AKR1D1: variants seen among roughly 807,000 people sequenced by gnomAD.
The protein encoded by AKR1D1 is delta(4)-3-ketosteroid 5-beta-reductase.
Under a neutral mutation model 42.6 loss-of-function variants are expected in AKR1D1, and 32 were observed. The observed-to-expected ratio is 0.75, with a 90% CI of 0.57 to 1.01. The LOEUF is 1.01. Ranked by LOEUF, AKR1D1 falls within the 50% of genes least tolerant of loss-of-function variation. AKR1D1 has a pLI of 0.00. For missense variants in AKR1D1, 364 were observed against 402.2 expected (o/e 0.91, Z 0.81); for synonymous variants, 123 against 135.5 (o/e 0.91, Z 0.64).
chr7:138,080,966 C>A (rs1057399266), intron 1 of AKR1D1, among the ~76,000 whole-genome samples: 1 of 151,996 alleles, frequency 6.6e-6, no homozygotes, highest in African/African-American at 2.4e-5. Context: ...CCACAGTCTG[C>A]CTTGTCTACA....
At chr7:138,083,474 A>G (rs1211862002) in intron 1 of AKR1D1, among the ~76,000 whole-genome samples, 1 of 152,068 alleles carries the variant, frequency 6.6e-6, no homozygotes, top group African/African-American at 2.4e-5. Flanking sequence ...TTTTAATTAT[A>G]TCTTGGATAT....
chr7:138,090,498 G>A (rs563365248), intron 2 of AKR1D1, among the ~76,000 whole-genome samples: 7 of 151,858 alleles, frequency 4.6e-5, no homozygotes, highest in South Asian at 2.1e-4. Flanking sequence ...TTAGCCAGGC[G>A]TGGTAGCAGG....
At position 138,106,665 on chromosome 7, in the gene AKR1D1, G is replaced by C; in HGVS notation, c.637G>C (p.Asp213His). 1 of 1,614,108 alleles carries C rather than the reference G, an allele frequency of 6.2e-7. No individual in the cohort carries two copies. The highest frequency in any genetic ancestry group is 8.5e-7 in the Non-Finnish European group (1 of 1,180,008). The part of the protein sequence containing the change: ...PKLLKFCQQH[D>H]IVITAYSPLG... Reference sequence around the variant, plus strand: ...ACTCTTGAAATTTTGCCAACAACATGACATTGTCATTACTGCATATAGCCC... The same window carrying C: ...ACTCTTGAAATTTTGCCAACAACATCACATTGTCATTACTGCATATAGCCC... The change falls in exon 6 of 9, where the codon GAC becomes CAC. Residue 213 changes from aspartate to histidine, a missense_variant. Asp to His is a moderately conservative substitution (Grantham distance 81, BLOSUM62 -1). Coordinates refer to ENST00000242375, the MANE Select transcript of AKR1D1 (RefSeq NM_005989.4).
intron 4 of AKR1D1, among the ~76,000 whole-genome samples, chr7:138,098,618 GAAC>G (rs1794230208): frequency 6.6e-6 from 1 of 152,030 alleles, no homozygotes; most frequent in Non-Finnish European, 1.5e-5. Flanking sequence ...TCAAAAACAG[GAAC>G]AACAACAAAA....
rs182331420 is a variant in AKR1D1 at position 138,110,594 on chromosome 7, A to G, written c.855+3014A>G. ...ATGGCAAAACCCCATCTCTACTAAA[A>G]ATACAAAAATTAGCCGGGCATGGTC... is the stretch of plus-strand genomic sequence containing the variant. On this transcript the variant is annotated intron_variant, in intron 7 of 8. Transcript: ENST00000242375. Among the ~76,000 whole-genome samples, 32 of 152,172 alleles carry G rather than the reference A, an allele frequency of 2.1e-4. No homozygotes were observed. In the East Asian group the frequency reaches 5.2e-3, roughly 25 times the overall value.
At position 138,088,678 on chromosome 7, in the gene AKR1D1, C is replaced by T. The variant is rs1236689971; in HGVS notation, c.171C>T (p.Ile57=). The change falls in exon 2 of 9, where the codon ATC becomes ATT. Residue 57 remains isoleucine (I), a synonymous_variant. Transcript: ENST00000242375. ...TGYRHIDGAY[I]YQNEHEVGEA... Reference sequence around the variant, plus strand: ...ACCGACATATTGATGGGGCCTACATCTACCAAAATGAACACGAAGTTGGGG... The same window carrying T: ...ACCGACATATTGATGGGGCCTACATTTACCAAAATGAACACGAAGTTGGGG... 1 of 1,614,030 alleles carries T rather than the reference C, an allele frequency of 6.2e-7. No homozygotes were observed. Among genetic ancestry groups the T allele is most frequent in the Non-Finnish European group, 8.5e-7 (1 of 1,179,996 alleles).
At chr7:138,104,966 C>T (rs1009561361) in intron 4 of AKR1D1, among the ~76,000 whole-genome samples, 3 of 151,964 alleles carry the variant, frequency 2.0e-5, no homozygotes, top group Non-Finnish European at 4.4e-5. Context: ...ACTCTGTTGC[C>T]CAGGCTGGTC....
intron 1 of AKR1D1, among the ~76,000 whole-genome samples, chr7:138,083,747 G>C (rs1252621823): frequency 6.6e-6 from 1 of 152,012 alleles, no homozygotes; most frequent in Non-Finnish European, 1.5e-5. Flanking sequence ...AATCCATTTT[G>C]AGTTGACTTT....
At chr7:138,085,093 T>C (rs1803145228) in intron 1 of AKR1D1, among the ~76,000 whole-genome samples, 1 of 149,304 alleles carries the variant, frequency 6.7e-6, no homozygotes, top group South Asian at 2.1e-4. Context: ...CAAAGTGTGG[T>C]CCTCATGTCC....
chr7:138,083,218 T>G (rs1222186986), intron 1 of AKR1D1, among the ~76,000 whole-genome samples: 3 of 152,182 alleles, frequency 2.0e-5, no homozygotes, highest in African/African-American at 7.2e-5. Flanking sequence ...TACCTTTCAG[T>G]TTTTTGATAA....
rs1197021438 is a variant in AKR1D1 at position 138,107,497 on chromosome 7, A to G, written c.772A>G (p.Ile258Val). ...AAGGTACAATAAGACAGCAGCTCAAATTGTTTTGCGTTTCAACATCCAGCG... is the reference window on the plus strand; with the variant it reads ...AAGGTACAATAAGACAGCAGCTCAAGTTGTTTTGCGTTTCAACATCCAGCG... ...GKRYNKTAAQ[I>V]VLRFNIQRGV... The change falls in exon 7 of 9, where the codon ATT (isoleucine) becomes GTT (valine). Residue 258 changes from isoleucine to valine, a missense_variant. Coordinates refer to ENST00000242375, the MANE Select transcript of AKR1D1 (RefSeq NM_005989.4). The G allele has an allele frequency of 6.2e-6, 10 of 1,614,060 alleles. No individual in the cohort carries two copies. The highest frequency in any genetic ancestry group is 5.1e-6 in the Non-Finnish European group (6 of 1,180,018).
intron 6 of AKR1D1, 44 bp downstream of exon 6, chr7:138,106,761 A>T: frequency 6.9e-7 from 1 of 1,446,988 alleles, no homozygotes; most frequent in East Asian, 2.3e-5. Context: ...GTAGAGTGTG[A>T]GGCTCATGTG....
intron 2 of AKR1D1, among the ~76,000 whole-genome samples, chr7:138,089,337 C>A (rs771866919): frequency 2.0e-5 from 3 of 148,022 alleles, no homozygotes; most frequent in African/African-American, 5.0e-5. Context: ...AGTGACACAG[C>A]GAGACCCTCT....
intron 3 of AKR1D1, among the ~76,000 whole-genome samples, chr7:138,094,970 C>T (rs1005736941): frequency 1.3e-5 from 2 of 152,040 alleles, no homozygotes; most frequent in Non-Finnish European, 2.9e-5. Context: ...GATAAATGAA[C>T]AAGAATGAGA....
intron 3 of AKR1D1, 53 bp downstream of exon 3, chr7:138,091,937 A>G: frequency 9.1e-7 from 1 of 1,098,122 alleles, no homozygotes; most frequent in Non-Finnish European, 1.4e-6. Flanking sequence ...ACCATGAGCC[A>G]ATAGCTATGT....
rs1321124463 is a variant in AKR1D1 at position 138,106,609 on chromosome 7, T to G, written c.581T>G (p.Val194Gly). ...GLKHKPVSNQ[V>G]ECHPYFTQPK... ...CTGCTCTCCAATGCAACCACATAGGTTGAGTGCCATCCGTATTTCACCCAG... is the reference window on the plus strand; with the variant it reads ...CTGCTCTCCAATGCAACCACATAGGGTGAGTGCCATCCGTATTTCACCCAG... Residue 194 changes from valine to glycine, a missense_variant and splice_region_variant, in exon 6 of 9, where the codon GTT (valine) becomes GGT (glycine). Transcript: ENST00000242375. 6.2e-7 allele frequency: 1 copy of G among 1,613,656 alleles called. No homozygotes were observed. The highest frequency in any genetic ancestry group is 1.1e-5 in the South Asian group (1 of 91,074).
rs1480006249 is a variant in AKR1D1, at chr7:138,107,422, G to A, written c.697G>A (p.Val233Ile). Residue 233 changes from valine to isoleucine, a missense_variant, in exon 7 of 9, where the codon GTT (valine) becomes ATT (isoleucine). Physicochemically the swap from Val to Ile is conservative, Grantham distance 29. Coordinates refer to ENST00000242375, the MANE Select transcript of AKR1D1 (RefSeq NM_005989.4). ...GTSRNPIWVN[V>I]SSPPLLKDAL... ...TGTTTTGATATTTTTAAGGGTGAATGTTTCTTCTCCACCTTTGTTAAAGGA... is the reference window on the plus strand; with the variant it reads ...TGTTTTGATATTTTTAAGGGTGAATATTTCTTCTCCACCTTTGTTAAAGGA... 20 of 1,613,854 alleles carry A rather than the reference G, an allele frequency of 1.2e-5. No individual in the cohort carries two copies. Among genetic ancestry groups the A allele is most frequent in the Non-Finnish European group, 1.6e-5 (19 of 1,179,894 alleles).
At chr7:138,106,888 GATTAC>G (rs978190491) in intron 6 of AKR1D1, among the ~76,000 whole-genome samples, 171 bp downstream of exon 6, 15 of 152,150 alleles carry the variant, frequency 9.9e-5, no homozygotes, top group Non-Finnish European at 1.6e-4. Context: ...TTGTAAAATT[GATTAC>G]ATTATAGGTA....
chr7:138,098,020 GGA>G, intron 4 of AKR1D1, 77 bp downstream of exon 4: 1 of 1,085,080 alleles, frequency 9.2e-7, no homozygotes, highest in South Asian at 1.2e-5. Context: ...TCATATTTAT[GGA>G]GAGAGATGCA....
Sources: gnomAD v4.1 joint callset for allele counts (sites outside exome capture counted in the v4.1 genomes callset) on GRCh38, gnomAD v4.1.1 for gene constraint, MANE v1.5 for transcripts, NCBI Gene and HGNC (gene_info 2026-07-23, HGNC 2026-07-21) for gene names.